Variants in FSTL5 observed in about 807,000 individuals in gnomAD.
FSTL5 encodes follistatin like 5, also known as follistatin-related protein 5.
A neutral mutation model predicts 89.1 loss-of-function variants in FSTL5; 62 were observed. That is an observed-to-expected ratio of 0.70 (90% CI 0.57 to 0.86). The LOEUF (loss-of-function observed/expected upper bound fraction) is 0.86, where lower values mean the gene tolerates loss of function less well. Among genes scored for constraint, FSTL5 ranks in the 40% least tolerant of loss-of-function variants. The pLI is 0.00. For missense variants in FSTL5, 1,057 were observed against 1,001.6 expected (o/e 1.06, Z -0.75); for synonymous variants, 383 against 346.2 (o/e 1.11, Z -1.18).
At chr4:162,118,567 C>G (rs1731739557) in intron 1 of FSTL5, among the ~76,000 whole-genome samples, 1 of 152,154 alleles carries the variant, frequency 6.6e-6, no homozygotes, top group African/African-American at 2.4e-5. Context: ...TTTATAAGAG[C>G]AATGGATTCC....
At chr4:161,566,127 T>TATATAC (rs1457066190) in intron 8 of FSTL5, among the ~76,000 whole-genome samples, 10 of 76,874 alleles carry the variant, frequency 1.3e-4, no homozygotes, top group African/African-American at 4.8e-4. Flanking sequence ...TATATATATA[T>TATATAC]ATATATATAC....
At chr4:162,088,377 T>G (rs558936555) in intron 2 of FSTL5, among the ~76,000 whole-genome samples, 382 of 152,174 alleles carry the variant, frequency 2.5e-3, no homozygotes, top group Non-Finnish European at 4.8e-3. Context: ...ATTATAAATT[T>G]TCTTTCAAAT....
intron 15 of FSTL5, among the ~76,000 whole-genome samples, chr4:161,450,494 A>C (rs1157087862): frequency 6.6e-6 from 1 of 152,196 alleles, no homozygotes; most frequent in Non-Finnish European, 1.5e-5. Flanking sequence ...AATTTTTAAA[A>C]AGTTAACAAT....
intron 3 of FSTL5, among the ~76,000 whole-genome samples, chr4:161,935,567 T>G (rs942747208): frequency 8.5e-5 from 13 of 152,080 alleles, no homozygotes; most frequent in Non-Finnish European, 1.6e-4. Context: ...CACAGAGAGG[T>G]AATTAAAAAT....
chr4:161,781,573 A>AT (rs1213520122), intron 4 of FSTL5, among the ~76,000 whole-genome samples: 2 of 152,138 alleles, frequency 1.3e-5, no homozygotes, highest in Non-Finnish European at 2.9e-5. Flanking sequence ...ATACAGGGGC[A>AT]TTTTTTAAGA....
rs573091974 is a variant in FSTL5 at position 161,402,254 on chromosome 4, T to C, written c.1842-15805A>G. Among the ~76,000 whole-genome samples the C allele has an allele frequency of 1.6e-3, 238 of 152,326 alleles. 1 individual carries two copies. Among genetic ancestry groups the C allele is most frequent in the African/African-American group, 5.4e-3 (223 of 41,574 alleles). ...AAGCAATCATTTAATAAATTATGTG[T>C]AAAACTTATTTTTAGAGTTATTTCA... On this transcript the variant is annotated intron_variant, in intron 15 of 15. Coordinates refer to ENST00000306100, the MANE Select transcript of FSTL5 (RefSeq NM_020116.5).
intron 7 of FSTL5, among the ~76,000 whole-genome samples, chr4:161,633,926 T>C (rs1289767069): frequency 6.6e-6 from 1 of 152,242 alleles, no homozygotes; most frequent in Non-Finnish European, 1.5e-5. Context: ...TTTGTTATGT[T>C]AAACACAAAG....
rs540159042 is a variant in FSTL5, at chr4:161,415,663, T to TAG, written c.1842-29216_1842-29215dup. ...GTATTATAGGGGATACATATATATA[T>TAG]AGAGAGAGAGAGAGAGAAAGAGAGA... is the stretch of plus-strand genomic sequence containing the variant. On this transcript the variant is annotated intron_variant, in intron 15 of 15. Transcript: ENST00000306100. Among the ~76,000 whole-genome samples, 146 of 148,570 alleles carry TAG rather than the reference T, an allele frequency of 9.8e-4. 1 individual carries two copies. The highest frequency in any genetic ancestry group is 8.7e-3 in the East Asian group (43 of 4,928).
intron 2 of FSTL5, among the ~76,000 whole-genome samples, chr4:162,060,632 T>G (rs1738691119): frequency 6.6e-6 from 1 of 152,064 alleles, no homozygotes; most frequent in Non-Finnish European, 1.5e-5. Flanking sequence ...AATACTAGAT[T>G]GTTGAACTTC....
chr4:161,868,829 C>T (rs903472816), intron 4 of FSTL5, among the ~76,000 whole-genome samples: 3 of 152,200 alleles, frequency 2.0e-5, no homozygotes, highest in African/African-American at 7.2e-5. Flanking sequence ...CATAAACTAT[C>T]ATTTCCTTTA....
intron 2 of FSTL5, among the ~76,000 whole-genome samples, chr4:162,085,334 T>C (rs1198430547): frequency 6.6e-6 from 1 of 151,912 alleles, no homozygotes; most frequent in Non-Finnish European, 1.5e-5. Flanking sequence ...ACAAAGAAAA[T>C]TCAATTACCC....
In FSTL5 at chr4:161,868,645, A is replaced by G. The variant is rs529190544; in HGVS notation, c.409+51759T>C. On this transcript the variant is annotated intron_variant, in intron 4 of 15. Coordinates refer to ENST00000306100, the MANE Select transcript of FSTL5 (RefSeq NM_020116.5). ...ATTGACTGTATATAGACCCATTAGC[A>G]TAAGTGGTTGTACCTTCTGTCACTT... Among the ~76,000 whole-genome samples, 89 of 152,188 alleles carry G rather than the reference A, an allele frequency of 5.8e-4. 2 individuals are homozygous for G. The South Asian group carries it at 7.5e-3, about 13-fold the overall frequency.
chr4:161,986,977 T>C (rs2128826), intron 3 of FSTL5, among the ~76,000 whole-genome samples: 17,871 of 152,146 alleles, frequency 0.12, 1,181 homozygotes, highest in East Asian at 0.21. Flanking sequence ...AATTGACCAC[T>C]GTGGAAGGAG....
At chr4:162,110,526 A>G (rs997617736) in intron 2 of FSTL5, among the ~76,000 whole-genome samples, 1 of 151,874 alleles carries the variant, frequency 6.6e-6, no homozygotes, top group African/African-American at 2.4e-5. Context: ...TTACAAATAT[A>G]TAAAGTTTTC....
At chr4:162,079,062 A>C (rs1729982022) in intron 2 of FSTL5, among the ~76,000 whole-genome samples, 1 of 151,726 alleles carries the variant, frequency 6.6e-6, no homozygotes, top group South Asian at 2.1e-4. Flanking sequence ...AAAGTTATAA[A>C]TTATGGAGAA....
intron 4 of FSTL5, among the ~76,000 whole-genome samples, chr4:161,777,584 A>T (rs1236348515): frequency 6.6e-6 from 1 of 151,394 alleles, no homozygotes. Context: ...TAATGTTCTG[A>T]TATTCATTCA....
At chr4:161,412,011 A>T (rs1731610109) in intron 15 of FSTL5, among the ~76,000 whole-genome samples, 1 of 152,174 alleles carries the variant, frequency 6.6e-6, no homozygotes, top group Non-Finnish European at 1.5e-5. Context: ...TACAAAATTA[A>T]TGTACAAAAA....
chr4:161,790,717 A>G (rs1216436531), intron 4 of FSTL5, among the ~76,000 whole-genome samples: 1 of 152,230 alleles, frequency 6.6e-6, no homozygotes, highest in African/African-American at 2.4e-5. Flanking sequence ...AAAGAAAAAA[A>G]TTGCTAGACA....
intron 4 of FSTL5, among the ~76,000 whole-genome samples, chr4:161,858,261 T>G (rs1731784254): frequency 6.6e-6 from 1 of 152,190 alleles, no homozygotes; most frequent in Admixed American, 6.5e-5. Flanking sequence ...CTTGAGCTTT[T>G]CAACCTCCAG....
Sources: gnomAD v4.1 joint callset for allele counts (sites outside exome capture counted in the v4.1 genomes callset) on GRCh38, gnomAD v4.1.1 for gene constraint, MANE v1.5 for transcripts, NCBI Gene and HGNC (gene_info 2026-07-23, HGNC 2026-07-21) for gene names.